The following RBM26 variants were observed in gnomAD, a reference collection of about 807,000 sequenced individuals.
The protein encoded by RBM26 is RNA-binding protein 26.
RBM26 carries 30 observed loss-of-function variants against 123.6 expected under a neutral mutation model. The observed-to-expected ratio is 0.24, with a 90% CI of 0.18 to 0.33. The LOEUF (loss-of-function observed/expected upper bound fraction) is 0.33, where lower values mean the gene tolerates loss of function less well. Among genes scored for constraint, RBM26 ranks in the 10% least tolerant of loss-of-function variants. The pLI is 1.00. For missense variants in RBM26, 947 were observed against 1,203.6 expected (o/e 0.79, Z 3.15); for synonymous variants, 400 against 404.4 (o/e 0.99, Z 0.13).
Position 79,318,975 on chromosome 13 carries a change from T to C in RBM26, c.*1646A>G, listed in dbSNP as rs2067394237. 1 of 970,996 alleles carries C rather than the reference T, an allele frequency of 1.0e-6. No individual in the cohort carries two copies. The highest frequency in any genetic ancestry group is 1.8e-5 in the African/African-American group (1 of 56,878). The allele number at this position is 970,996 out of a possible 1,614,324, so 60.1% of individuals were successfully genotyped here. ...TAAAAATAGATCTTTGATTTAAATA[T>C]ATAAGTAAAAATAGTGACTTTTTGA... On this transcript the variant is annotated 3_prime_UTR_variant, in exon 22 of 22. Transcript: ENST00000438737.
chr13:79,321,461 TACC>T (rs914838795), intron 21 of RBM26, among the ~76,000 whole-genome samples: 1 of 151,462 alleles, frequency 6.6e-6, no homozygotes, highest in African/African-American at 2.4e-5. Context: ...TTTCCCACCT[TACC>T]TTTATTTATT....
At chr13:79,334,918 T>C (rs1383637944) in intron 19 of RBM26, among the ~76,000 whole-genome samples, 1 of 152,130 alleles carries the variant, frequency 6.6e-6, no homozygotes, top group African/African-American at 2.4e-5. Context: ...GGTCTCTTGA[T>C]TCAAAAGTTT....
Position 79,358,391 on chromosome 13 carries a change from C to G in RBM26, c.1572G>C (p.Lys524Asn). 6.2e-7 allele frequency: 1 copy of G among 1,611,050 alleles called. No homozygotes were observed. The highest frequency in any genetic ancestry group is 8.5e-7 in the Non-Finnish European group (1 of 1,179,130). ...TGGTATTTTCATTTCCAAATTGAAC[C>G]TTCTTCTGAAAGCCTGGGCTGTTTG... ...NRTNSPGFQK[K>N]VQFGNENTKL... The change falls in exon 11 of 22, where the codon AAG (lysine) becomes AAC (asparagine). Residue 524 changes from lysine (K) to asparagine (N), a missense_variant. By Grantham distance (94) the Lys-to-Asn change is moderately conservative. Coordinates refer to ENST00000438737, the MANE Select transcript of RBM26 (RefSeq NM_001366735.2).
At chr13:79,383,754 T>C (rs1034818401) in intron 1 of RBM26, among the ~76,000 whole-genome samples, 1 of 151,216 alleles carries the variant, frequency 6.6e-6, no homozygotes, top group Non-Finnish European at 1.5e-5. Flanking sequence ...TGAGGAAAAA[T>C]CCAGGTTGAA....
intron 18 of RBM26, among the ~76,000 whole-genome samples, chr13:79,340,084 C>T (rs2071106570): frequency 6.6e-6 from 1 of 152,014 alleles, no homozygotes; most frequent in South Asian, 2.1e-4. Context: ...TTCAAAGATT[C>T]CACCAACACT....
chr13:79,321,424 T>C (rs1281069162), intron 21 of RBM26, among the ~76,000 whole-genome samples: 1 of 151,580 alleles, frequency 6.6e-6, no homozygotes, highest in Non-Finnish European at 1.5e-5. Context: ...AGTGCCATTA[T>C]GAAGGTAAAA....
chr13:79,381,897 A>G (rs1321431458), intron 1 of RBM26, among the ~76,000 whole-genome samples: 1 of 152,130 alleles, frequency 6.6e-6, no homozygotes, highest in Non-Finnish European at 1.5e-5. Flanking sequence ...AACATTTGTT[A>G]AAAGTTCAAA....
Position 79,320,642 on chromosome 13 carries a change from T to C in RBM26, c.3003A>G (p.Glu1001=), listed in dbSNP as rs746013360. 4.4e-6 allele frequency: 7 copies of C among 1,597,704 alleles called. No homozygotes were observed. In the African/African-American group the frequency reaches 5.4e-5, roughly 12 times the overall value. Residue 1001 remains glutamate (E), a synonymous_variant, in exon 22 of 22, where the codon GAA becomes GAG. Transcript: ENST00000438737. ...CAAATCATCTTCTCCAAGAACGAGATTCATTGTCCTCTTCTTCTTCATCAT... is the reference window on the plus strand; with the variant it reads ...CAAATCATCTTCTCCAAGAACGAGACTCATTGTCCTCTTCTTCTTCATCAT... ...QDDDEEEEDN[E]SRSWRR is the part of the protein sequence containing the mutation.
chr13:79,392,339 T>G (rs976714232), intron 1 of RBM26, among the ~76,000 whole-genome samples: 2 of 142,716 alleles, frequency 1.4e-5, no homozygotes, highest in Non-Finnish European at 3.0e-5. Context: ...TTATATATAA[T>G]TACATTATAT....
chr13:79,325,807 C>T (rs2068314331), intron 20 of RBM26, among the ~76,000 whole-genome samples: 1 of 152,138 alleles, frequency 6.6e-6, no homozygotes, highest in South Asian at 2.1e-4. Flanking sequence ...TACATTCACT[C>T]ACTAACTCAC....
chr13:79,354,361 A>C, intron 13 of RBM26, 78 bp downstream of exon 13: 1 of 1,169,430 alleles, frequency 8.6e-7, no homozygotes, highest in Non-Finnish European at 1.1e-6. Flanking sequence ...ATATACAATT[A>C]ACTATAATTC....
intron 2 of RBM26, 57 bp from the exon 3 acceptor site, chr13:79,377,572 G>T (rs540152141): frequency 1.6e-5 from 20 of 1,284,956 alleles, no homozygotes; most frequent in Non-Finnish European, 2.2e-5. Context: ...TTAATTCCCC[G>T]CTTCCACATC....
rs146622020 is a variant in RBM26 at position 79,380,855 on chromosome 13, T to A, written c.72-1948A>T. On this transcript the variant is annotated intron_variant, in intron 1 of 21. Coordinates refer to ENST00000438737, the MANE Select transcript of RBM26 (RefSeq NM_001366735.2). Reference sequence around the variant, plus strand: ...GACCAACTTATTTAGCTCCCATATATGAGTGGTAACATACAGCATTAATCT... The same window carrying A: ...GACCAACTTATTTAGCTCCCATATAAGAGTGGTAACATACAGCATTAATCT... 1.4e-4 allele frequency among the ~76,000 whole-genome samples: 21 copies of A among 152,208 alleles called. No homozygotes were observed. In the East Asian group the frequency reaches 3.5e-3, roughly 25 times the overall value.
chr13:79,319,555 T>C lies in RBM26; in HGVS notation c.*1066A>G, dbSNP rs954978117. 4 of 981,870 alleles carry C rather than the reference T, an allele frequency of 4.1e-6. No individual in the cohort carries two copies. Among genetic ancestry groups the C allele is most frequent in the Non-Finnish European group, 4.8e-6 (4 of 827,004 alleles). The allele number at this position is 981,870 out of a possible 1,614,324, so 60.8% of individuals were successfully genotyped here. The stretch of plus-strand genomic sequence containing the variant: ...CTTACCAAACAGTGTTTTCCTAAAG[T>C]AGTATCTATAGTACATTTCTTTATT... On this transcript the variant is annotated 3_prime_UTR_variant, in exon 22 of 22. Coordinates refer to ENST00000438737, the MANE Select transcript of RBM26 (RefSeq NM_001366735.2).
intron 11 of RBM26, among the ~76,000 whole-genome samples, chr13:79,357,302 T>C (rs1162113013): frequency 6.6e-6 from 1 of 152,100 alleles, no homozygotes; most frequent in Non-Finnish European, 1.5e-5. Flanking sequence ...ACATCCTAAG[T>C]TGTTAGGATG....
intron 15 of RBM26, 35 bp from the exon 16 acceptor site, chr13:79,344,357 T>C (rs772090427): frequency 2.8e-6 from 4 of 1,407,438 alleles, no homozygotes; most frequent in Non-Finnish European, 3.0e-6. Flanking sequence ...ATTAGAATAT[T>C]ACTAAGGATA....
At chr13:79,356,951 A>G (rs902243799) in intron 11 of RBM26, among the ~76,000 whole-genome samples, 1 of 152,186 alleles carries the variant, frequency 6.6e-6, no homozygotes, top group African/African-American at 2.4e-5. Context: ...ATAGTGGTAG[A>G]TCAAATGAAA....
In RBM26 at chr13:79,319,315, C is replaced by T; in HGVS notation, c.*1306G>A. 1 of 982,062 alleles carries T rather than the reference C, an allele frequency of 1.0e-6. No homozygotes were observed. The allele number at this position is 982,062 out of a possible 1,614,324, so 60.8% of individuals were successfully genotyped here. A position where few individuals can be genotyped will look rare whatever the true frequency, so the allele number is the denominator to read the frequency against. ...ATCTCAAGAGAGGCAGAAACACTTG[C>T]AATCAAAATGATGAATTTGAAAATA... On this transcript the variant is annotated 3_prime_UTR_variant, in exon 22 of 22. Transcript: ENST00000438737.
chr13:79,377,647 C>A, intron 2 of RBM26, 132 bp from the exon 3 acceptor site: 2 of 743,436 alleles, frequency 2.7e-6, no homozygotes, highest in Non-Finnish European at 4.2e-6. Context: ...CTAGCACTGG[C>A]CAGGCGTGGT....
Sources: allele counts gnomAD v4.1 joint callset (sites outside exome capture counted in the v4.1 genomes callset), GRCh38; gene constraint gnomAD v4.1.1; transcripts MANE v1.5; gene names NCBI Gene and HGNC (gene_info 2026-07-23, HGNC 2026-07-21).